BRINP3: variants seen among roughly 807,000 people sequenced by gnomAD.
The protein encoded by BRINP3 is BMP/retinoic acid-inducible neural-specific protein 3.
Under a neutral mutation model 71.0 loss-of-function variants are expected in BRINP3, and 19 were observed. That is an observed-to-expected ratio of 0.27 (90% CI 0.19 to 0.39). The LOEUF is 0.39. Ranked by LOEUF, BRINP3 falls within the 10% of genes least tolerant of loss-of-function variation. The pLI, the probability that BRINP3 is intolerant of heterozygous loss-of-function variation, is 1.00. For synonymous variants in BRINP3, 380 were observed against 337.7 expected (o/e 1.13, Z -1.37); for missense variants, 959 against 940.8 (o/e 1.02, Z -0.25).
intron 6 of BRINP3, among the ~76,000 whole-genome samples, chr1:190,214,228 A>T (rs993334664): frequency 6.6e-6 from 1 of 152,104 alleles, no homozygotes; most frequent in Admixed American, 6.6e-5. Flanking sequence ...GGAAGTGCTT[A>T]TTATAGTTAA....
At chr1:190,457,169 C>T (rs1415526091) in intron 1 of BRINP3, among the ~76,000 whole-genome samples, 4 of 152,064 alleles carry the variant, frequency 2.6e-5, no homozygotes, top group African/African-American at 9.7e-5. Flanking sequence ...TGGCCAGGCA[C>T]GGTAGCTCAC....
chr1:190,283,054 T>C (rs1246949941), intron 2 of BRINP3, among the ~76,000 whole-genome samples: 1 of 152,050 alleles, frequency 6.6e-6, no homozygotes, highest in African/African-American at 2.4e-5. Context: ...AGTTTCTAAC[T>C]ATGGATATTT....
At chr1:190,472,490 T>C (rs1405382971) in intron 1 of BRINP3, among the ~76,000 whole-genome samples, 2 of 151,742 alleles carry the variant, frequency 1.3e-5, no homozygotes, top group Non-Finnish European at 3.0e-5. Flanking sequence ...AAAACAAAGA[T>C]AACACAAGTT....
rs114923860 is a variant in BRINP3, at chr1:190,368,709, C to A, written c.236+85946G>T. On this transcript the variant is annotated intron_variant, in intron 2 of 7. Coordinates refer to ENST00000367462, the MANE Select transcript of BRINP3 (RefSeq NM_199051.3). ...TCAGGAGACAAGATAAGGGTAATCA[C>A]CCCAGCACGTGGACCCATTTAGATT... 4.1e-4 allele frequency among the ~76,000 whole-genome samples: 63 copies of A among 152,228 alleles called. 1 individual carries two copies. In the East Asian group the frequency reaches 7.7e-3, roughly 19 times the overall value.
intron 4 of BRINP3, among the ~76,000 whole-genome samples, chr1:190,240,518 C>T (rs889846997): frequency 5.9e-5 from 9 of 151,934 alleles, no homozygotes; most frequent in African/African-American, 2.2e-4. Context: ...GCACTGTTTC[C>T]CCAGAGTTAA....
At chr1:190,111,843 T>A (rs1185442999) in intron 7 of BRINP3, among the ~76,000 whole-genome samples, 1 of 152,016 alleles carries the variant, frequency 6.6e-6, no homozygotes, top group African/African-American at 2.4e-5. Flanking sequence ...GAAAGAAAAA[T>A]TAAGAACCTT....
Position 190,415,688 on chromosome 1 carries a change from G to A in BRINP3, c.236+38967C>T, listed in dbSNP as rs528245759. Among the ~76,000 whole-genome samples the A allele has an allele frequency of 2.6e-5, 4 of 151,954 alleles. No homozygotes were observed. The East Asian group carries it at 7.8e-4, about 29-fold the overall frequency. On this transcript the variant is annotated intron_variant, in intron 2 of 7. Coordinates refer to ENST00000367462, the MANE Select transcript of BRINP3 (RefSeq NM_199051.3). ...TGCTGAGGTGGGAGGATTATGTGAGGCCAGGAGTTTGAGACCAGACTGAGC... is the reference window on the plus strand; with the variant it reads ...TGCTGAGGTGGGAGGATTATGTGAGACCAGGAGTTTGAGACCAGACTGAGC...
rs564256485 is a variant in BRINP3 at position 190,196,823 on chromosome 1, T to C, written c.961+29259A>G. On this transcript the variant is annotated intron_variant, in intron 6 of 7. Coordinates refer to ENST00000367462, the MANE Select transcript of BRINP3 (RefSeq NM_199051.3). ...GGGTCATCTATGAGTGGAGTCCAGATAGTCACTGAGAAACTTTCATGGGTA... is the reference window on the plus strand; with the variant it reads ...GGGTCATCTATGAGTGGAGTCCAGACAGTCACTGAGAAACTTTCATGGGTA... Among the ~76,000 whole-genome samples the C allele has an allele frequency of 3.3e-5, 5 of 152,010 alleles. No homozygotes were observed. The East Asian group carries it at 9.7e-4, about 29-fold the overall frequency.
At chr1:190,349,983 T>A (rs918667701) in intron 2 of BRINP3, among the ~76,000 whole-genome samples, 3 of 152,014 alleles carry the variant, frequency 2.0e-5, no homozygotes, top group Non-Finnish European at 4.4e-5. Flanking sequence ...AGTGTTAGGG[T>A]GCAGTCAAAT....
intron 2 of BRINP3, among the ~76,000 whole-genome samples, chr1:190,396,712 T>TTATATATATATATA (rs1558249085): frequency 2.0e-3 from 76 of 38,296 alleles, no homozygotes; most frequent in African/African-American, 6.6e-3. Flanking sequence ...CCTAATTTAA[T>TTATATATATATATA]GATATATATA....
At chr1:190,332,586 C>G (rs1241885600) in intron 2 of BRINP3, among the ~76,000 whole-genome samples, 3 of 152,040 alleles carry the variant, frequency 2.0e-5, no homozygotes, top group East Asian at 1.9e-4. Flanking sequence ...AGCAGAAAGA[C>G]AGTCTTTCTC....
At chr1:190,301,196 T>TATATATAC (rs1427095206) in intron 2 of BRINP3, among the ~76,000 whole-genome samples, 81 of 36,726 alleles carry the variant, frequency 2.2e-3, no homozygotes, top group African/African-American at 3.5e-3. Flanking sequence ...TGTATATATA[T>TATATATAC]ACACATACAT....
In BRINP3 at chr1:190,408,353, C is replaced by T. The variant is rs1420066879; in HGVS notation, c.236+46302G>A. On this transcript the variant is annotated intron_variant, in intron 2 of 7. Transcript: ENST00000367462. ...GCCACCGCATCCGGCCTACATTTGT[C>T]ATTTTATAAATAAAATGGTCTTGTT... Among the ~76,000 whole-genome samples, 3 of 151,908 alleles carry T rather than the reference C, an allele frequency of 2.0e-5. No individual in the cohort carries two copies. In the South Asian group the frequency reaches 6.2e-4, roughly 32 times the overall value.
In BRINP3 at chr1:190,225,010, AC is replaced by A. The variant is rs1285068119; in HGVS notation, c.961+1071del. 2.6e-5 allele frequency among the ~76,000 whole-genome samples: 4 copies of A among 152,000 alleles called. No homozygotes were observed. In the East Asian group the frequency reaches 7.7e-4, roughly 29 times the overall value. ...CTGGTGAGGATGCAGAGAAAGGGGA[AC>A]CCTTCTACACTGTTGGTGGAAATAT... is the stretch of plus-strand genomic sequence containing the variant. On this transcript the variant is annotated intron_variant, in intron 6 of 7. Transcript: ENST00000367462.
intron 2 of BRINP3, among the ~76,000 whole-genome samples, chr1:190,386,086 T>TGGGGGAG (rs1670878635): frequency 1.8e-5 from 1 of 56,152 alleles, no homozygotes; most frequent in Non-Finnish European, 3.3e-5. Context: ...TGTTGTGGGG[T>TGGGGGAG]GGGGGAGGGG....
intron 2 of BRINP3, among the ~76,000 whole-genome samples, chr1:190,438,919 C>G (rs1224668551): frequency 1.3e-5 from 2 of 151,928 alleles, no homozygotes; most frequent in African/African-American, 4.8e-5. Context: ...GATTCAATCT[C>G]AGACCCCAGA....
At chr1:190,214,304 T>C (rs1017374631) in intron 6 of BRINP3, among the ~76,000 whole-genome samples, 1 of 152,090 alleles carries the variant, frequency 6.6e-6, no homozygotes. Flanking sequence ...GTTCATGACT[T>C]GATATCAAAA....
intron 3 of BRINP3, 48 bp downstream of exon 3, chr1:190,281,512 T>C (rs372972088): frequency 3.9e-6 from 6 of 1,556,906 alleles, no homozygotes; most frequent in Non-Finnish European, 5.3e-6. Flanking sequence ...ATTTATACGG[T>C]TTTAGGCACA....
At chr1:190,115,908 T>C (rs1359417074) in intron 7 of BRINP3, among the ~76,000 whole-genome samples, 1 of 152,174 alleles carries the variant, frequency 6.6e-6, no homozygotes, top group African/African-American at 2.4e-5. Context: ...AAAGTGTATA[T>C]GTTTCTTTGA....
Sources: gnomAD v4.1 joint callset for allele counts (sites outside exome capture counted in the v4.1 genomes callset) on GRCh38, gnomAD v4.1.1 for gene constraint, MANE v1.5 for transcripts, NCBI Gene and HGNC (gene_info 2026-07-23, HGNC 2026-07-21) for gene names.